The following STK10 variants were observed in gnomAD, a reference collection of about 807,000 sequenced individuals.
STK10 encodes serine/threonine-protein kinase 10.
In STK10, 78 loss-of-function variants were observed where a neutral mutation model predicts 113.8. The observed-to-expected ratio is 0.69, with a 90% CI of 0.57 to 0.83. STK10 has a LOEUF of 0.83. Among genes scored for constraint, STK10 ranks in the 40% least tolerant of loss-of-function variants. The pLI is 0.00. For synonymous variants in STK10, 465 were observed against 494.7 expected, an observed-to-expected ratio of 0.94 and a Z score of 0.80; for missense variants, 1,109 against 1,280.1, an observed-to-expected ratio of 0.87 and a Z score of 2.04.
In STK10 at chr5:172,144,256, C is replaced by T. The variant is rs556751666; in HGVS notation, c.321+12368G>A. Among the ~76,000 whole-genome samples the T allele has an allele frequency of 9.8e-4, 149 of 152,350 alleles. 1 individual carries two copies. The highest frequency in any genetic ancestry group is 3.5e-3 in the African/African-American group (146 of 41,584). On this transcript the variant is annotated intron_variant, in intron 2 of 18. Transcript: ENST00000176763. ...CACGGACAGCCTAGCTGTGTAGCCACGGGCAAGCTGCTTTCCCTCTCTAGG... is the reference window on the plus strand; with the variant it reads ...CACGGACAGCCTAGCTGTGTAGCCATGGGCAAGCTGCTTTCCCTCTCTAGG...
chr5:172,139,827 G>A (rs1581174591), intron 2 of STK10, among the ~76,000 whole-genome samples: 2 of 137,172 alleles, frequency 1.5e-5, no homozygotes, highest in Non-Finnish European at 3.0e-5. Context: ...ACTCCTAGAA[G>A]AAATCATAGG....
intron 2 of STK10, among the ~76,000 whole-genome samples, chr5:172,137,098 T>C (rs1484732486): frequency 6.6e-6 from 1 of 152,136 alleles, no homozygotes; most frequent in African/African-American, 2.4e-5. Flanking sequence ...ATGTTTTTGT[T>C]CTTAAGATAT....
At position 172,048,414 on chromosome 5, in the gene STK10, T is replaced by TACACACACACACACACACACAC. The variant is rs370301917; in HGVS notation, c.2767-3414_2767-3393dup. Among the ~76,000 whole-genome samples the TACACACACACACACACACACAC allele has an allele frequency of 7.7e-3, 992 of 128,462 alleles. 34 individuals are homozygous for TACACACACACACACACACACAC. The highest frequency in any genetic ancestry group is 0.018 in the African/African-American group (593 of 32,240). 84.3% of individuals were successfully genotyped at this position (128,462 alleles called of 152,430 possible). A position where few individuals can be genotyped will look rare whatever the true frequency, so the allele number is the denominator to read the frequency against. On this transcript the variant is annotated intron_variant, in intron 18 of 18. Transcript: ENST00000176763. ...AAATCAATTTCCCTCTCCCTCTCCC[T>TACACACACACACACACACACAC]ACACACACACACACACACACACACA...
intron 18 of STK10, among the ~76,000 whole-genome samples, chr5:172,049,134 C>T (rs991874413): frequency 6.6e-6 from 1 of 152,124 alleles, no homozygotes; most frequent in African/African-American, 2.4e-5. Flanking sequence ...ACTAGAAGGT[C>T]GGTTCTTCCG....
intron 2 of STK10, among the ~76,000 whole-genome samples, chr5:172,132,090 C>A (rs1038460976): frequency 1.3e-5 from 2 of 152,176 alleles, no homozygotes; most frequent in African/African-American, 4.8e-5. Context: ...CTATTGTTTA[C>A]AAATTACCCA....
intron 7 of STK10, 75 bp from the exon 8 acceptor site, chr5:172,096,635 C>A (rs1768862724): frequency 1.3e-6 from 2 of 1,577,336 alleles, no homozygotes; most frequent in Non-Finnish European, 1.7e-6. Flanking sequence ...GGGGAGCTCA[C>A]CCCCGGGGCA....
At chr5:172,072,423 C>T (rs553787711) in intron 12 of STK10, among the ~76,000 whole-genome samples, 10 of 152,222 alleles carry the variant, frequency 6.6e-5, no homozygotes, top group African/African-American at 1.4e-4. Flanking sequence ...CACACTGCCA[C>T]GCCTGGCTAA....
intron 4 of STK10, among the ~76,000 whole-genome samples, chr5:172,110,013 G>C (rs1411825278): frequency 6.6e-6 from 1 of 152,216 alleles, no homozygotes; most frequent in Non-Finnish European, 1.5e-5. Context: ...GCCTGAATAC[G>C]GGAGAACTTG....
intron 14 of STK10, among the ~76,000 whole-genome samples, chr5:172,059,641 C>T (rs751049910): frequency 5.3e-5 from 8 of 152,022 alleles, no homozygotes; most frequent in South Asian, 2.1e-4. Flanking sequence ...CCACGCTGGA[C>T]GACATCATCT....
intron 10 of STK10, among the ~76,000 whole-genome samples, chr5:172,089,255 C>T (rs1768634075): frequency 6.6e-6 from 1 of 152,220 alleles, no homozygotes; most frequent in East Asian, 1.9e-4. Flanking sequence ...TCACCTGTTA[C>T]TTGTTTCATG....
At chr5:172,141,920 G>A (rs748974658) in intron 2 of STK10, among the ~76,000 whole-genome samples, 5 of 152,100 alleles carry the variant, frequency 3.3e-5, no homozygotes, top group Non-Finnish European at 7.4e-5. Flanking sequence ...GCCTTGCTAC[G>A]GGATCCTGGC....
intron 2 of STK10, among the ~76,000 whole-genome samples, chr5:172,147,810 G>C (rs1770116085): frequency 6.6e-6 from 1 of 152,202 alleles, no homozygotes; most frequent in Non-Finnish European, 1.5e-5. Flanking sequence ...GAGGACAGGA[G>C]AAGGTCAAAG....
intron 1 of STK10, among the ~76,000 whole-genome samples, chr5:172,186,603 C>T (rs1337454070): frequency 6.6e-6 from 1 of 151,932 alleles, no homozygotes; most frequent in Non-Finnish European, 1.5e-5. Flanking sequence ...GACTGAGCAA[C>T]AGAGGGAAAC....
chr5:172,086,012 G>A (rs117331286), intron 10 of STK10, among the ~76,000 whole-genome samples: 2 of 152,294 alleles, frequency 1.3e-5, no homozygotes, highest in East Asian at 3.9e-4. Context: ...GGGTCGCAGC[G>A]CCCCTGTGTG....
chr5:172,176,876 G>C (rs1770768727), intron 1 of STK10, among the ~76,000 whole-genome samples: 1 of 152,110 alleles, frequency 6.6e-6, no homozygotes, highest in Non-Finnish European at 1.5e-5. Context: ...TAGTGTTCTT[G>C]TAAAACAGAC....
At chr5:172,075,851 AGGACCT>A (rs1185599525) in intron 12 of STK10, among the ~76,000 whole-genome samples, 3 of 152,200 alleles carry the variant, frequency 2.0e-5, no homozygotes, top group Admixed American at 2.0e-4. Flanking sequence ...AGTGCTGGTG[AGGACCT>A]GGAGCAACTG....
At chr5:172,057,008 A>AGG (rs1561790297) in intron 15 of STK10, 11 of 133,428 alleles carry the variant, frequency 8.2e-5, no homozygotes, top group Non-Finnish European at 1.4e-4. Flanking sequence ...AAAGAAGGAA[A>AGG]GAAAGAAAGA....
chr5:172,092,565 C>T (rs570264335), intron 9 of STK10: 1 of 152,182 alleles, frequency 6.6e-6, no homozygotes, highest in African/African-American at 2.4e-5. Context: ...CTGCCTAAAG[C>T]TGATTGGCCG....
chr5:172,147,397 T>TTTC (rs1352395998), intron 2 of STK10, among the ~76,000 whole-genome samples: 57 of 142,130 alleles, frequency 4.0e-4, no homozygotes, highest in African/African-American at 1.5e-3. Flanking sequence ...TCTTTCTTTC[T>TTTC]TTTTTTTTTT....
Sources: gnomAD v4.1 joint callset for allele counts (sites outside exome capture counted in the v4.1 genomes callset) on GRCh38, gnomAD v4.1.1 for gene constraint, MANE v1.5 for transcripts, NCBI Gene and HGNC (gene_info 2026-07-23, HGNC 2026-07-21) for gene names.